Variants in INVS observed in about 807,000 individuals in gnomAD.
INVS encodes the protein inversion of embryo turning homolog.
A neutral mutation model predicts 108.8 loss-of-function variants in INVS; 86 were observed. That is an observed-to-expected ratio of 0.79 (90% CI 0.66 to 0.95). The LOEUF is 0.95. Ranked by LOEUF, INVS falls within the 40% of genes least tolerant of loss-of-function variation. INVS has a pLI of 0.00. For synonymous variants in INVS, 455 were observed against 473.5 expected, an observed-to-expected ratio of 0.96 and a Z score of 0.51; for missense variants, 1,169 against 1,297.4, an observed-to-expected ratio of 0.90 and a Z score of 1.52.
chr9:100,286,550 A>G (rs1041553372), intron 13 of INVS, among the ~76,000 whole-genome samples: 2 of 152,178 alleles, frequency 1.3e-5, no homozygotes, highest in African/African-American at 4.8e-5. Flanking sequence ...AAAAATATAT[A>G]TATCTAAAAT....
At chr9:100,124,822 C>A in intron 2 of INVS, among the ~76,000 whole-genome samples, 1 of 152,144 alleles carries the variant, frequency 6.6e-6, no homozygotes, top group Non-Finnish European at 1.5e-5. Flanking sequence ...TGGATTATAT[C>A]TTTGACATTT....
Position 100,297,156 on chromosome 9 carries a change from C to G in INVS, c.3016+10C>G. 1 of 1,606,300 alleles carries G rather than the reference C, an allele frequency of 6.2e-7. No homozygotes were observed. ...CTTAAGCAAATCTATGGTAACTGTC[C>G]TTCTGCCTACTTTGTAGTTCACAAG... On this transcript the variant is annotated intron_variant, in intron 15 of 16. Transcript: ENST00000262457.
chr9:100,298,003 C>T lies in INVS; in HGVS notation c.3084C>T (p.Leu1028=). Residue 1028 remains leucine (L), a synonymous_variant, in exon 16 of 17, where the codon CTC becomes CTT. Transcript: ENST00000262457. ...RSVKASSVLR[L]NSVSNLQCIH... is the part of the protein sequence containing the mutation. Reference sequence around the variant, plus strand: ...TAAAAGCCTCTTCTGTGCTGCGTCTCAACTCAGGTAAGGCAGCCACTGCAA... The same window carrying T: ...TAAAAGCCTCTTCTGTGCTGCGTCTTAACTCAGGTAAGGCAGCCACTGCAA... The T allele has an allele frequency of 6.2e-7, 1 of 1,614,162 alleles. No individual in the cohort carries two copies. Among genetic ancestry groups the T allele is most frequent in the Non-Finnish European group, 8.5e-7 (1 of 1,179,974 alleles).
At chr9:100,131,994 C>T in intron 3 of INVS, 1 of 522,728 alleles carries the variant, frequency 1.9e-6, no homozygotes, top group East Asian at 1.5e-4. Flanking sequence ...GATGCACACA[C>T]AAACACAACA....
intron 7 of INVS, 33 bp from the exon 8 acceptor site, chr9:100,246,583 T>C: frequency 6.6e-7 from 1 of 1,526,476 alleles, no homozygotes; most frequent in South Asian, 1.1e-5. Context: ...ACTACTGTTT[T>C]GTCTCCATTT....
Position 100,284,394 on chromosome 9 carries a change from C to T in INVS, c.1859C>T (p.Pro620Leu). The stretch of plus-strand genomic sequence containing the variant: ...AGGCGGAGCCCAGATTCCTGCAGAC[C>T]CCAGGCCCTTCCCTGTCTGCCTAGC... ...KGRRSPDSCR[P>L]QALPCLPSTQ... Residue 620 changes from proline to leucine, a missense_variant, in exon 13 of 17, where the codon CCC (proline) becomes CTC (leucine). Physicochemically the swap from Pro to Leu is moderately conservative, Grantham distance 98. Transcript: ENST00000262457. The T allele has an allele frequency of 6.2e-7, 1 of 1,613,970 alleles. No individual in the cohort carries two copies. Among genetic ancestry groups the T allele is most frequent in the Non-Finnish European group, 8.5e-7 (1 of 1,180,038 alleles).
intron 2 of INVS, among the ~76,000 whole-genome samples, chr9:100,119,391 A>C (rs1341985468): frequency 6.6e-6 from 1 of 152,252 alleles, no homozygotes; most frequent in Non-Finnish European, 1.5e-5. Flanking sequence ...ACACAAACTT[A>C]GCTTACAAAC....
rs1829672937 is a variant in INVS, at chr9:100,175,263, G to T, written c.273+48714G>T. ...GACTCTTTGCCAATGTCTGTGATTTGTGGGCCCAAAACAAACTATCCATCC... is the reference window on the plus strand; with the variant it reads ...GACTCTTTGCCAATGTCTGTGATTTTTGGGCCCAAAACAAACTATCCATCC... On this transcript the variant is annotated intron_variant, in intron 3 of 16. Coordinates refer to ENST00000262457, the MANE Select transcript of INVS (RefSeq NM_014425.5). 13 of 637,416 alleles carry T rather than the reference G, an allele frequency of 2.0e-5. No homozygotes were observed. The South Asian group carries it at 2.1e-4, about 10-fold the overall frequency. The allele number at this position is 637,416 out of a possible 1,614,324, so 39.5% of individuals were successfully genotyped here.
At chr9:100,300,332 A>G (rs1025621709) in intron 16 of INVS, among the ~76,000 whole-genome samples, 1 of 152,200 alleles carries the variant, frequency 6.6e-6, no homozygotes, top group Non-Finnish European at 1.5e-5. Context: ...TTCTGGTACC[A>G]GCTCCCCAAG....
chr9:100,105,658 C>T (rs908820101), intron 2 of INVS, among the ~76,000 whole-genome samples: 1 of 152,100 alleles, frequency 6.6e-6, no homozygotes, highest in African/African-American at 2.4e-5. Flanking sequence ...CTCAAACATT[C>T]TACCATTCAA....
intron 3 of INVS, among the ~76,000 whole-genome samples, chr9:100,139,178 T>C (rs1220682455): frequency 6.6e-6 from 1 of 152,234 alleles, no homozygotes; most frequent in Non-Finnish European, 1.5e-5. Flanking sequence ...CTAATTTACC[T>C]AGGCTTACTC....
intron 3 of INVS, among the ~76,000 whole-genome samples, chr9:100,157,889 G>T (rs1436158115): frequency 6.6e-6 from 1 of 152,078 alleles, no homozygotes; most frequent in African/African-American, 2.4e-5. Flanking sequence ...ACAACAAAAT[G>T]CTACCTTTTC....
intron 3 of INVS, among the ~76,000 whole-genome samples, chr9:100,178,068 AAAG>A (rs1425727651): frequency 6.6e-6 from 1 of 152,208 alleles, no homozygotes; most frequent in African/African-American, 2.4e-5. Flanking sequence ...AACAAAAATA[AAAG>A]AATAACATCA....
chr9:100,156,941 T>TAC (rs200451806), intron 3 of INVS, among the ~76,000 whole-genome samples: 2,369 of 111,100 alleles, frequency 0.021, 52 homozygotes, highest in African/African-American at 0.073. Flanking sequence ...CATATATATA[T>TAC]ATACACACAC....
At chr9:100,232,090 A>T (rs1298318028) in intron 5 of INVS, among the ~76,000 whole-genome samples, 1 of 151,878 alleles carries the variant, frequency 6.6e-6, no homozygotes, top group African/African-American at 2.4e-5. Flanking sequence ...TTTGATTTTC[A>T]TTTCTCTAAT....
intron 4 of INVS, 42 bp downstream of exon 4, chr9:100,226,277 C>G: frequency 6.5e-7 from 1 of 1,547,628 alleles, no homozygotes; most frequent in South Asian, 1.1e-5. Flanking sequence ...GACCAGAAAG[C>G]AAATGCTTCC....
At chr9:100,203,480 T>A (rs1830588507) in intron 3 of INVS, among the ~76,000 whole-genome samples, 1 of 150,636 alleles carries the variant, frequency 6.6e-6, no homozygotes. Flanking sequence ...AAACATTTAC[T>A]GCAGCATTTC....
At chr9:100,176,995 TA>T (rs112846058) in intron 3 of INVS, among the ~76,000 whole-genome samples, 564 of 137,102 alleles carry the variant, frequency 4.1e-3, no homozygotes, top group Middle Eastern at 7.2e-3. Context: ...ATATCACCTT[TA>T]AAAAAAAAAA....
chr9:100,125,025 A>T (rs1357859978), intron 2 of INVS, among the ~76,000 whole-genome samples: 1 of 152,194 alleles, frequency 6.6e-6, no homozygotes, highest in Non-Finnish European at 1.5e-5. Flanking sequence ...CAAGGCAATG[A>T]TCTAACTATA....
Sources: allele counts gnomAD v4.1 joint callset (sites outside exome capture counted in the v4.1 genomes callset), GRCh38; gene constraint gnomAD v4.1.1; transcripts MANE v1.5; gene names NCBI Gene and HGNC (gene_info 2026-07-23, HGNC 2026-07-21).